The following POU2F1 variants were observed in gnomAD, a reference collection of about 807,000 sequenced individuals.
POU2F1 encodes POU class 2 homeobox 1.
In POU2F1, 16 loss-of-function variants were observed where a neutral mutation model predicts 84.9. The observed-to-expected ratio is 0.19, with a 90% CI of 0.13 to 0.29. The LOEUF is 0.29. Ranked by LOEUF, POU2F1 falls within the 10% of genes least tolerant of loss-of-function variation. The probability of loss-of-function intolerance (pLI) is 1.00; values close to 1 mark genes in which losing one functional copy is unlikely to be tolerated. For synonymous variants in POU2F1, 368 were observed against 368.3 expected (o/e 1.00, Z 0.01); for missense variants, 738 against 942.6 (o/e 0.78, Z 2.84).
At chr1:167,254,322 T>C (rs1440387425) in intron 1 of POU2F1, among the ~76,000 whole-genome samples, 2 of 152,230 alleles carry the variant, frequency 1.3e-5, no homozygotes, top group African/African-American at 2.4e-5. Context: ...TTAGCTGCAA[T>C]ATATTAATAT....
chr1:167,358,716 C>A (rs1229867123), intron 2 of POU2F1, among the ~76,000 whole-genome samples: 3 of 38,346 alleles, frequency 7.8e-5, no homozygotes, highest in Admixed American at 3.1e-4. Flanking sequence ...TTATCTGCAG[C>A]TTTTTTTTTT....
intron 1 of POU2F1, among the ~76,000 whole-genome samples, chr1:167,221,545 G>C (rs1648182372): frequency 6.7e-6 from 1 of 149,386 alleles, no homozygotes. Flanking sequence ...CTTCCCCCGG[G>C]AGCGGGCCCG....
intron 2 of POU2F1, among the ~76,000 whole-genome samples, chr1:167,343,272 G>A (rs1471748704): frequency 1.1e-4 from 17 of 152,108 alleles, no homozygotes; most frequent in Admixed American, 1.1e-3. Flanking sequence ...TGATCTTTTT[G>A]CCATGAGGTA....
At chr1:167,237,342 G>A (rs1649541595) in intron 1 of POU2F1, among the ~76,000 whole-genome samples, 1 of 152,178 alleles carries the variant, frequency 6.6e-6, no homozygotes, top group African/African-American at 2.4e-5. Context: ...GCATGCATAA[G>A]TTTTTGTCCT....
At chr1:167,327,518 C>T (rs1015318292) in intron 1 of POU2F1, among the ~76,000 whole-genome samples, 14 of 152,064 alleles carry the variant, frequency 9.2e-5, no homozygotes, top group East Asian at 5.8e-4. Flanking sequence ...TTTAAAGGCC[C>T]CTTGTTAAAA....
At chr1:167,221,026 G>A (rs1384366999) in intron 1 of POU2F1, 68 bp downstream of exon 1, 9 of 1,336,704 alleles carry the variant, frequency 6.7e-6, no homozygotes, top group East Asian at 2.5e-5. Flanking sequence ...CCCCCCCCGC[G>A]ACTTAGCATA....
At chr1:167,362,723 T>TA in intron 2 of POU2F1, among the ~76,000 whole-genome samples, 1 of 152,034 alleles carries the variant, frequency 6.6e-6, no homozygotes, top group East Asian at 1.9e-4. Context: ...CAGGACAGAG[T>TA]AAACAGTTTA....
intron 13 of POU2F1, among the ~76,000 whole-genome samples, chr1:167,409,523 CACTG>C (rs1239401141): frequency 2.0e-5 from 3 of 152,164 alleles, no homozygotes; most frequent in African/African-American, 7.2e-5. Flanking sequence ...AAACATGACT[CACTG>C]ACTGGGATAA....
intron 10 of POU2F1, 108 bp from the exon 11 acceptor site, chr1:167,397,886 A>C (rs1387572277): frequency 1.7e-6 from 2 of 1,190,048 alleles, no homozygotes; most frequent in Admixed American, 5.1e-5. Context: ...AAACCTTTTC[A>C]TACTTGGATG....
chr1:167,322,967 C>T (rs559259728), intron 1 of POU2F1, among the ~76,000 whole-genome samples: 29 of 152,312 alleles, frequency 1.9e-4, no homozygotes, highest in Admixed American at 3.3e-4. Context: ...AACCAACAAC[C>T]TTCAGCATGG....
At chr1:167,297,760 AT>A (rs2102555100) in intron 1 of POU2F1, among the ~76,000 whole-genome samples, 1 of 152,278 alleles carries the variant, frequency 6.6e-6, no homozygotes, top group South Asian at 2.1e-4. Context: ...AGAAGCAACA[AT>A]TTTGAATCAG....
chr1:167,226,060 T>C (rs1174149309), intron 1 of POU2F1, among the ~76,000 whole-genome samples: 1 of 152,228 alleles, frequency 6.6e-6, no homozygotes, highest in Non-Finnish European at 1.5e-5. Context: ...GTAATTTGCG[T>C]TTAGGGAACA....
At chr1:167,238,482 A>G (rs919049063) in intron 1 of POU2F1, among the ~76,000 whole-genome samples, 1 of 152,126 alleles carries the variant, frequency 6.6e-6, no homozygotes, top group Non-Finnish European at 1.5e-5. Flanking sequence ...ACAGGACCCT[A>G]TGTAATGTAA....
At chr1:167,339,013 G>A (rs886236772) in intron 2 of POU2F1, among the ~76,000 whole-genome samples, 1 of 152,124 alleles carries the variant, frequency 6.6e-6, no homozygotes, top group African/African-American at 2.4e-5. Context: ...TGAGAGTGTT[G>A]TAAGTGCTTT....
At chr1:167,340,986 C>A (rs536944856) in intron 2 of POU2F1, among the ~76,000 whole-genome samples, 1 of 152,050 alleles carries the variant, frequency 6.6e-6, no homozygotes, top group African/African-American at 2.4e-5. Flanking sequence ...ATCTTACAGG[C>A]TGGGTAGGGT....
intron 2 of POU2F1, among the ~76,000 whole-genome samples, chr1:167,351,519 C>CAAAAA (rs34170498): frequency 5.5e-3 from 252 of 45,708 alleles, no homozygotes; most frequent in Middle Eastern, 0.016. Context: ...AGCACCATCT[C>CAAAAA]AAAAAAAAAA....
intron 1 of POU2F1, among the ~76,000 whole-genome samples, chr1:167,243,710 A>G (rs1650089074): frequency 6.6e-6 from 1 of 152,222 alleles, no homozygotes; most frequent in South Asian, 2.1e-4. Flanking sequence ...TCCCAACCCC[A>G]GATGATCCAC....
chr1:167,383,660 A>G (rs888218587), intron 7 of POU2F1, 197 bp from the exon 8 acceptor site: 1 of 485,922 alleles, frequency 2.1e-6, no homozygotes, highest in African/African-American at 2.0e-5. Flanking sequence ...GTTTTAATTT[A>G]ATGTTGTATA....
Position 167,415,497 on chromosome 1 carries a change from T to C in POU2F1, c.1991-3T>C. Reference sequence around the variant, plus strand: ...GCCTGTTTTGGGGGGTTTTTGTCTGTAGCTCTTGCTTCTGGTGGCTCTCTT... The same window carrying C: ...GCCTGTTTTGGGGGGTTTTTGTCTGCAGCTCTTGCTTCTGGTGGCTCTCTT... On this transcript the variant is annotated splice_region_variant and splice_polypyrimidine_tract_variant and intron_variant, in intron 15 of 15. Coordinates refer to ENST00000367866, the MANE Select transcript of POU2F1 (RefSeq NM_002697.4). The C allele has an allele frequency of 6.2e-7, 1 of 1,613,584 alleles. No homozygotes were observed. The highest frequency in any genetic ancestry group is 1.3e-5 in the African/African-American group (1 of 75,024).
Sources: gnomAD v4.1 joint callset for allele counts (sites outside exome capture counted in the v4.1 genomes callset) on GRCh38, gnomAD v4.1.1 for gene constraint, MANE v1.5 for transcripts, NCBI Gene and HGNC (gene_info 2026-07-23, HGNC 2026-07-21) for gene names.